Variants in NRG2 observed in about 807,000 individuals in gnomAD.
The protein encoded by NRG2 is neuregulin 2, also known as pro-neuregulin-2, membrane-bound isoform.
Under a neutral mutation model 73.9 loss-of-function variants are expected in NRG2, and 27 were observed. The observed-to-expected ratio is 0.37, with a 90% CI of 0.27 to 0.50. NRG2 has a LOEUF of 0.50. Ranked by LOEUF, NRG2 falls within the 20% of genes least tolerant of loss-of-function variation. The pLI is 0.96. For missense variants in NRG2, 1,126 were observed against 1,210.1 expected, an observed-to-expected ratio of 0.93 and a Z score of 1.03; for synonymous variants, 532 against 541.0, an observed-to-expected ratio of 0.98 and a Z score of 0.23.
chr5:140,031,468 T>C (rs1380716259), intron 1 of NRG2, among the ~76,000 whole-genome samples: 1 of 152,198 alleles, frequency 6.6e-6, no homozygotes, highest in East Asian at 1.9e-4. Context: ...GAGACTCCTT[T>C]CTTTCTTTTA....
intron 1 of NRG2, among the ~76,000 whole-genome samples, chr5:139,972,128 A>G (rs1756019184): frequency 6.6e-6 from 1 of 152,236 alleles, no homozygotes; most frequent in African/African-American, 2.4e-5. Flanking sequence ...AAAATGTAAT[A>G]TTATAGATAC....
At chr5:139,962,760 G>A (rs1259931229) in intron 1 of NRG2, among the ~76,000 whole-genome samples, 1 of 152,162 alleles carries the variant, frequency 6.6e-6, no homozygotes, top group Non-Finnish European at 1.5e-5. Flanking sequence ...TATGCTCAAG[G>A]TCCTGCAGTA....
In NRG2 at chr5:139,997,085, T is replaced by A. The variant is rs570884215; in HGVS notation, c.700+45285A>T. On this transcript the variant is annotated intron_variant, in intron 1 of 9. Transcript: ENST00000361474. Reference sequence around the variant, plus strand: ...TGAGCTTGGGAGGTCGAGGCCGTGGTGAGCCAAGATCGCACCACTGCACAC... The same window carrying A: ...TGAGCTTGGGAGGTCGAGGCCGTGGAGAGCCAAGATCGCACCACTGCACAC... Among the ~76,000 whole-genome samples, 3 of 152,136 alleles carry A rather than the reference T, an allele frequency of 2.0e-5. No homozygotes were observed. In the East Asian group the frequency reaches 5.8e-4, roughly 29 times the overall value.
chr5:139,924,172 A>G (rs560155496), intron 1 of NRG2, among the ~76,000 whole-genome samples: 1 of 152,254 alleles, frequency 6.6e-6, no homozygotes, highest in Admixed American at 6.5e-5. Context: ...GGAATCTTTG[A>G]GGGGCCCATG....
rs6883764 is a variant in NRG2 at position 139,884,284 on chromosome 5, G to C, written c.872+3056C>G. Among the ~76,000 whole-genome samples the C allele has an allele frequency of 5.9e-3, 906 of 152,310 alleles. 10 individuals are homozygous for C. Among genetic ancestry groups the C allele is most frequent in the African/African-American group, 0.021 (875 of 41,548 alleles). ...AGAGGGCTTAGGAAGGTGTCCCAGA[G>C]AGAAGACAGTTAAGCTGGGCCTTGG... On this transcript the variant is annotated intron_variant, in intron 2 of 9. Coordinates refer to ENST00000361474, the MANE Select transcript of NRG2 (RefSeq NM_004883.3).
At position 140,042,427 on chromosome 5, in the gene NRG2, C is replaced by T; in HGVS notation, c.643G>A (p.Asp215Asn). The change falls in exon 1 of 10, where the codon GAT becomes AAT. Residue 215 changes from aspartate to asparagine, a missense_variant. Physicochemically the swap from Asp to Asn is conservative, Grantham distance 23. Coordinates refer to ENST00000361474, the MANE Select transcript of NRG2 (RefSeq NM_004883.3). ...LVFKTAFAPL[D>N]TNGKNLKKEV... ...TTCTTGAGATTTTTGCCGTTGGTAT[C>T]GAGGGGGGCAAAGGCCGTCTTAAAG... 6.2e-7 allele frequency: 1 copy of T among 1,607,956 alleles called. No homozygotes were observed. The highest frequency in any genetic ancestry group is 8.5e-7 in the Non-Finnish European group (1 of 1,177,220).
At chr5:139,991,058 G>A (rs1236022232) in intron 1 of NRG2, among the ~76,000 whole-genome samples, 2 of 151,988 alleles carry the variant, frequency 1.3e-5, no homozygotes, top group African/African-American at 4.8e-5. Flanking sequence ...GGTGGATCAC[G>A]AGGTCAGGAG....
intron 1 of NRG2, among the ~76,000 whole-genome samples, chr5:139,920,989 T>C (rs942842329): frequency 6.6e-6 from 1 of 152,192 alleles, no homozygotes; most frequent in Non-Finnish European, 1.5e-5. Context: ...GTAAAACACA[T>C]TATCATTTAC....
In NRG2 at chr5:140,031,652, C is replaced by T. The variant is rs78664312; in HGVS notation, c.700+10718G>A. 3.4e-4 allele frequency among the ~76,000 whole-genome samples: 52 copies of T among 152,134 alleles called. 4 individuals are homozygous for T. The East Asian group carries it at 9.8e-3, about 29-fold the overall frequency. On this transcript the variant is annotated intron_variant, in intron 1 of 9. Coordinates refer to ENST00000361474, the MANE Select transcript of NRG2 (RefSeq NM_004883.3). ...GTTCGATCCTGACTGGTAAATAAAC[C>T]CTCCTCTCTAAAGCCATACAAAGTA...
At chr5:139,964,122 C>T (rs1220246952) in intron 1 of NRG2, among the ~76,000 whole-genome samples, 1 of 152,136 alleles carries the variant, frequency 6.6e-6, no homozygotes, top group Non-Finnish European at 1.5e-5. Context: ...CCATTGGTCA[C>T]AAAACCTTTT....
intron 1 of NRG2, among the ~76,000 whole-genome samples, chr5:140,028,341 GA>G (rs1327005070): frequency 6.6e-5 from 10 of 151,948 alleles, no homozygotes; most frequent in South Asian, 2.1e-4. Context: ...AAAATCTGAA[GA>G]AAAAAATAAA....
Position 139,971,488 on chromosome 5 carries a change from C to T in NRG2, c.700+70882G>A, listed in dbSNP as rs1580846790. Among the ~76,000 whole-genome samples the T allele has an allele frequency of 2.0e-5, 3 of 152,210 alleles. No homozygotes were observed. In the East Asian group the frequency reaches 5.8e-4, roughly 29 times the overall value. ...GCGGGGAGGAGCTGTGGCCCAGACCCAGAAGGAAATTAAATGGCCTCAAAA... is the reference window on the plus strand; with the variant it reads ...GCGGGGAGGAGCTGTGGCCCAGACCTAGAAGGAAATTAAATGGCCTCAAAA... On this transcript the variant is annotated intron_variant, in intron 1 of 9. Coordinates refer to ENST00000361474, the MANE Select transcript of NRG2 (RefSeq NM_004883.3).
At chr5:139,899,850 G>A (rs1418892267) in intron 1 of NRG2, among the ~76,000 whole-genome samples, 1 of 152,204 alleles carries the variant, frequency 6.6e-6, no homozygotes, top group Non-Finnish European at 1.5e-5. Context: ...GTGCATGACT[G>A]AGGCTGGGCA....
At chr5:139,888,115 AAC>A (rs148802670) in intron 1 of NRG2, among the ~76,000 whole-genome samples, 188 of 148,208 alleles carry the variant, frequency 1.3e-3, no homozygotes, top group South Asian at 2.1e-3. Flanking sequence ...AAAACAAAAC[AAC>A]ACACACACAC....
chr5:139,984,617 A>G (rs1265111767), intron 1 of NRG2, among the ~76,000 whole-genome samples: 1 of 152,214 alleles, frequency 6.6e-6, no homozygotes, highest in African/African-American at 2.4e-5. Flanking sequence ...TCCTACAATG[A>G]GCATTTATTA....
intron 1 of NRG2, among the ~76,000 whole-genome samples, chr5:139,937,540 T>C (rs1334146015): frequency 6.6e-6 from 1 of 152,234 alleles, no homozygotes; most frequent in East Asian, 1.9e-4. Context: ...CATGGTTGTC[T>C]ATGCAGAAAA....
intron 1 of NRG2, among the ~76,000 whole-genome samples, chr5:140,021,091 T>C (rs143424107): frequency 1.7e-3 from 262 of 152,354 alleles, no homozygotes; most frequent in African/African-American, 5.9e-3. Context: ...AACAACAGCA[T>C]ATTTTCATAC....
At chr5:139,995,881 T>G (rs995783283) in intron 1 of NRG2, among the ~76,000 whole-genome samples, 1 of 152,014 alleles carries the variant, frequency 6.6e-6, no homozygotes, top group African/African-American at 2.4e-5. Context: ...CCATGCATGG[T>G]GGCATGTGCT....
intron 1 of NRG2, among the ~76,000 whole-genome samples, chr5:139,938,886 A>G (rs62383901): frequency 0.044 from 2,816 of 63,580 alleles, 40 homozygotes; most frequent in South Asian, 0.12. Flanking sequence ...GAGAGAAGGA[A>G]AGAAAGAAAG....
Sources: gnomAD v4.1 joint callset for allele counts (sites outside exome capture counted in the v4.1 genomes callset) on GRCh38, gnomAD v4.1.1 for gene constraint, MANE v1.5 for transcripts, NCBI Gene and HGNC (gene_info 2026-07-23, HGNC 2026-07-21) for gene names.